Variants in ANKRD17 observed in about 807,000 individuals in gnomAD.
The protein encoded by ANKRD17 is ankyrin repeat domain 17.
In ANKRD17, 19 loss-of-function variants were observed where a neutral mutation model predicts 229.7. The ratio of observed to expected loss-of-function variants is 0.08; its 90% CI spans 0.06 to 0.12. ANKRD17 has a LOEUF of 0.12. Among genes scored for constraint, ANKRD17 ranks in the 10% least tolerant of loss-of-function variants. The pLI is 1.00. For missense variants in ANKRD17, 2,176 were observed against 3,176.8 expected (o/e 0.68, Z 7.57); for synonymous variants, 1,112 against 1,146.1 (o/e 0.97, Z 0.60).
At chr4:73,232,256 G>A (rs1289559846) in intron 1 of ANKRD17, among the ~76,000 whole-genome samples, 1 of 152,058 alleles carries the variant, frequency 6.6e-6, no homozygotes, top group African/African-American at 2.4e-5. Context: ...GCTCTTCCAG[G>A]AGACATACCT....
chr4:73,154,878 A>G (rs1731448634), intron 5 of ANKRD17, among the ~76,000 whole-genome samples: 1 of 147,506 alleles, frequency 6.8e-6, no homozygotes, highest in Admixed American at 6.8e-5. Flanking sequence ...CGTCTCTACT[A>G]AAAATACAAA....
At chr4:73,130,678 G>T (rs187430008) in intron 16 of ANKRD17, among the ~76,000 whole-genome samples, 12 of 151,598 alleles carry the variant, frequency 7.9e-5, no homozygotes, top group South Asian at 6.3e-4. Context: ...GACTTCAGCG[G>T]CCTCAGAATA....
chr4:73,249,660 C>G (rs534335353), intron 1 of ANKRD17, among the ~76,000 whole-genome samples: 5 of 152,274 alleles, frequency 3.3e-5, no homozygotes, highest in African/African-American at 9.6e-5. Context: ...TCGAGACCAG[C>G]CTGACTAACA....
intron 25 of ANKRD17, chr4:73,100,848 A>G: frequency 4.1e-6 from 4 of 985,260 alleles, no homozygotes; most frequent in Non-Finnish European, 4.8e-6. Context: ...AAACACACAC[A>G]CACATACACA....
At chr4:73,246,105 A>G in intron 1 of ANKRD17, among the ~76,000 whole-genome samples, 1 of 152,234 alleles carries the variant, frequency 6.6e-6, no homozygotes, top group South Asian at 2.1e-4. Context: ...TCATCTAAAG[A>G]ACTAAGCAAA....
intron 1 of ANKRD17, among the ~76,000 whole-genome samples, chr4:73,187,737 C>T (rs1232084313): frequency 6.6e-6 from 1 of 152,142 alleles, no homozygotes; most frequent in African/African-American, 2.4e-5. Context: ...TTCTTTGTTC[C>T]AGATGCCAAG....
At chr4:73,161,933 G>T (rs1578233383) in intron 2 of ANKRD17, among the ~76,000 whole-genome samples, 1 of 151,894 alleles carries the variant, frequency 6.6e-6, no homozygotes, top group Non-Finnish European at 1.5e-5. Context: ...CTGGAGTACG[G>T]TGGCATGATC....
intron 1 of ANKRD17, among the ~76,000 whole-genome samples, chr4:73,218,167 A>G (rs1355345826): frequency 6.6e-6 from 1 of 152,262 alleles, no homozygotes; most frequent in African/African-American, 2.4e-5. Flanking sequence ...AAGTGACAAC[A>G]TAAAGGTGTC....
Position 73,163,490 on chromosome 4 carries a change from T to C in ANKRD17, c.548-2142A>G, listed in dbSNP as rs1732806596. Among the ~76,000 whole-genome samples the C allele has an allele frequency of 2.0e-5, 3 of 152,172 alleles. No individual in the cohort carries two copies. In the South Asian group the frequency reaches 6.2e-4, roughly 31 times the overall value. Reference sequence around the variant, plus strand: ...AATGCACATTAAAGAAAGGCTATTATAGGTTTTACAACAAACTAGTTAACT... The same window carrying C: ...AATGCACATTAAAGAAAGGCTATTACAGGTTTTACAACAAACTAGTTAACT... On this transcript the variant is annotated intron_variant, in intron 2 of 33. Transcript: ENST00000358602.
intron 14 of ANKRD17, among the ~76,000 whole-genome samples, chr4:73,140,846 A>G (rs889782634): frequency 6.6e-6 from 1 of 152,238 alleles, no homozygotes; most frequent in African/African-American, 2.4e-5. Flanking sequence ...AATAGAGGCA[A>G]GATATAAATT....
At chr4:73,242,314 T>C (rs1217341667) in intron 1 of ANKRD17, among the ~76,000 whole-genome samples, 1 of 152,182 alleles carries the variant, frequency 6.6e-6, no homozygotes, top group Non-Finnish European at 1.5e-5. Context: ...TAGCTTCCTA[T>C]ATTCCAACAA....
At chr4:73,177,578 G>A in intron 1 of ANKRD17, 45 bp from the exon 2 acceptor site, 6 of 1,469,362 alleles carry the variant, frequency 4.1e-6, no homozygotes, top group Non-Finnish European at 3.8e-6. Context: ...GAAATGAACA[G>A]CGAAAGGAAA....
chr4:73,209,830 A>G (rs977723764), intron 1 of ANKRD17, among the ~76,000 whole-genome samples: 6 of 152,216 alleles, frequency 3.9e-5, no homozygotes, highest in African/African-American at 1.4e-4. Flanking sequence ...ATAACAGAAC[A>G]GTGGAAAATC....
At chr4:73,124,752 G>C (rs1288469988) in intron 18 of ANKRD17, among the ~76,000 whole-genome samples, 161 bp downstream of exon 18, 2 of 152,188 alleles carry the variant, frequency 1.3e-5, no homozygotes, top group African/African-American at 4.8e-5. Flanking sequence ...GATAGCTTAT[G>C]CTAACAATGA....
chr4:73,240,543 T>G (rs1017045280), intron 1 of ANKRD17, among the ~76,000 whole-genome samples: 1 of 151,908 alleles, frequency 6.6e-6, no homozygotes, highest in African/African-American at 2.4e-5. Flanking sequence ...GAGGAACACT[T>G]GAGCCCAGGA....
intron 11 of ANKRD17, among the ~76,000 whole-genome samples, chr4:73,144,190 T>A (rs1729951263): frequency 6.6e-6 from 1 of 152,198 alleles, no homozygotes; most frequent in Non-Finnish European, 1.5e-5. Flanking sequence ...AATAATATAC[T>A]CCCTTTTATT....
intron 1 of ANKRD17, among the ~76,000 whole-genome samples, chr4:73,225,861 CAAAAAA>C (rs375866026): frequency 1.8e-4 from 12 of 66,696 alleles, no homozygotes; most frequent in African/African-American, 2.2e-4. Context: ...GACTCTGTCT[CAAAAAA>C]AAAAAAAAAA....
At chr4:73,157,855 C>T (rs551441076) in intron 3 of ANKRD17, among the ~76,000 whole-genome samples, 36 of 152,130 alleles carry the variant, frequency 2.4e-4, no homozygotes, top group African/African-American at 8.4e-4. Context: ...TTTGGGAGGC[C>T]GAGGCGGGCG....
intron 30 of ANKRD17, among the ~76,000 whole-genome samples, chr4:73,084,534 C>G (rs547283820): frequency 6.7e-6 from 1 of 149,508 alleles, no homozygotes; most frequent in Admixed American, 6.7e-5. Flanking sequence ...CTGCAACCTC[C>G]GCCTCCTGGG....
Sources: allele counts gnomAD v4.1 joint callset (sites outside exome capture counted in the v4.1 genomes callset), GRCh38; gene constraint gnomAD v4.1.1; transcripts MANE v1.5; gene names NCBI Gene and HGNC (gene_info 2026-07-23, HGNC 2026-07-21).